The following SAMD14 variants were observed in gnomAD, a reference collection of about 807,000 sequenced individuals.
SAMD14 encodes the protein sterile alpha motif domain containing 14.
A neutral mutation model predicts 46.2 loss-of-function variants in SAMD14; 27 were observed. The observed-to-expected ratio is 0.58, with a 90% CI of 0.43 to 0.81. SAMD14 has a LOEUF of 0.81. Among genes scored for constraint, SAMD14 ranks in the 30% least tolerant of loss-of-function variants. The pLI is 0.00. For synonymous variants in SAMD14, 241 were observed against 254.3 expected (o/e 0.95, Z 0.50); for missense variants, 559 against 582.2 (o/e 0.96, Z 0.41).
intron 9 of SAMD14, chr17:50,113,296 C>T: frequency 2.0e-6 from 1 of 497,268 alleles, no homozygotes; most frequent in Non-Finnish European, 3.6e-6. Context: ...CCCCACCATT[C>T]CTCCACTCAG....
rs1911944144 is a variant in SAMD14 at position 50,129,661 on chromosome 17, C to G, written c.-157G>C. ...CCGGGCGGGCTCGAGCCGCTCCATCCCGGGGGTGGGGGTGAGGTCGGCGGG... is the reference window on the plus strand; with the variant it reads ...CCGGGCGGGCTCGAGCCGCTCCATCGCGGGGGTGGGGGTGAGGTCGGCGGG... On this transcript the variant is annotated 5_prime_UTR_variant, in exon 1 of 10. Coordinates refer to ENST00000330175, the MANE Select transcript of SAMD14 (RefSeq NM_001257359.2). The surrounding 1 kb of genome is among the most constrained non-coding windows in gnomAD (Gnocchi z 5.6). 1 of 150,782 alleles carries G rather than the reference C, an allele frequency of 6.6e-6. No individual in the cohort carries two copies. Among genetic ancestry groups the G allele is most frequent in the Non-Finnish European group, 1.5e-5 (1 of 67,562 alleles). The allele number at this position is 150,782 out of a possible 1,614,324, so 9.3% of individuals were successfully genotyped here.
Position 50,116,040 on chromosome 17 carries a change from G to T in SAMD14, c.550C>A (p.Leu184Ile), listed in dbSNP as rs754882941. The T allele has an allele frequency of 3.1e-6, 5 of 1,614,084 alleles. No individual in the cohort carries two copies. The highest frequency in any genetic ancestry group is 3.4e-6 in the Non-Finnish European group (4 of 1,179,970). The change falls in exon 5 of 10, where the codon CTC becomes ATC. Residue 184 changes from leucine to isoleucine, a missense_variant. Coordinates refer to ENST00000330175, the MANE Select transcript of SAMD14 (RefSeq NM_001257359.2). ...PPEPASPTIG[L>I]DKKTRRKFLD... is the part of the protein sequence containing the mutation. ...AACTTTCGGCGAGTCTTCTTATCGA[G>T]GCCGATGGTGGGGCTGGCGGGCTCA...
In SAMD14 at chr17:50,124,771, G is replaced by GCGCACACACACA. The variant is rs71353620; in HGVS notation, c.43+145_43+146insTGTGTGTGTGCG. ...TACCTGCACGCGTGCACGCGCGCGCGCACACACACACACACACACACACAC... is the reference window on the plus strand; with the variant it reads ...TACCTGCACGCGTGCACGCGCGCGCGCGCACACACACACACACACACACACACACACACACAC... On this transcript the variant is annotated intron_variant, in intron 2 of 9. Coordinates refer to ENST00000330175, the MANE Select transcript of SAMD14 (RefSeq NM_001257359.2). The GCGCACACACACA allele has an allele frequency of 2.1e-3, 1,194 of 569,524 alleles. 9 individuals carry two copies. In the Admixed American group the frequency reaches 0.024, roughly 11 times the overall value. 35.3% of individuals were successfully genotyped at this position (569,524 alleles called of 1,614,324 possible).
intron 9 of SAMD14, chr17:50,113,289 C>G (rs1431843595): frequency 1.2e-5 from 6 of 510,960 alleles, no homozygotes; most frequent in Non-Finnish European, 2.1e-5. Flanking sequence ...CCTCCTCCCC[C>G]ACCATTCCTC....
At position 50,110,596 on chromosome 17, in the gene SAMD14, G is replaced by A. The variant is rs896979551; in HGVS notation, c.*2297C>T. ...GTGGGGAAAGGAGTTACACCCGTGA[G>A]TGGGGAATGAGGCTGGTCCTGCAGC... On this transcript the variant is annotated 3_prime_UTR_variant, in exon 10 of 10. Coordinates refer to ENST00000330175, the MANE Select transcript of SAMD14 (RefSeq NM_001257359.2). The A allele has an allele frequency of 2.0e-5, 3 of 152,440 alleles. No individual in the cohort carries two copies. The highest frequency in any genetic ancestry group is 7.2e-5 in the African/African-American group (3 of 41,462). The allele number at this position is 152,440 out of a possible 1,614,324, so 9.4% of individuals were successfully genotyped here.
chr17:50,124,761 ACG>A (rs868338823), intron 2 of SAMD14, among the ~76,000 whole-genome samples, 154 bp downstream of exon 2: 2 of 108,094 alleles, frequency 1.9e-5, no homozygotes, highest in African/African-American at 8.2e-5. Flanking sequence ...GCACGCGTGC[ACG>A]CGCGCGCGCA....
intron 2 of SAMD14, among the ~76,000 whole-genome samples, chr17:50,120,323 G>C (rs904043596): frequency 4.6e-5 from 7 of 150,958 alleles, no homozygotes; most frequent in African/African-American, 1.7e-4. Context: ...GAGGAAGGGA[G>C]AGGAGAGGAG....
At chr17:50,121,939 G>A (rs1028976418) in intron 2 of SAMD14, among the ~76,000 whole-genome samples, 1 of 152,220 alleles carries the variant, frequency 6.6e-6, no homozygotes, top group Non-Finnish European at 1.5e-5. Context: ...TCCTTATAGG[G>A]TGGTTGTGAG....
At chr17:50,116,135 C>G (rs1486095873) in intron 4 of SAMD14, 45 bp from the exon 5 acceptor site, 5 of 1,577,292 alleles carry the variant, frequency 3.2e-6, no homozygotes, top group African/African-American at 1.4e-5. Context: ...TGCTGCCCTG[C>G]CTGCCTCCTT....
chr17:50,124,909 G>A lies in SAMD14; in HGVS notation c.43+8C>T. 6.2e-7 allele frequency: 1 copy of A among 1,613,650 alleles called. No individual in the cohort carries two copies. The highest frequency in any genetic ancestry group is 8.5e-7 in the Non-Finnish European group (1 of 1,179,794). On this transcript the variant is annotated splice_region_variant and intron_variant, in intron 2 of 9. Transcript: ENST00000330175. ...TATTGGCTAGAGATAGAGCCACACA[G>A]AACTTACCAAAAACTTCATCCACGG...
In SAMD14 at chr17:50,111,963, G is replaced by GT. The variant is rs1192202763; in HGVS notation, c.*929dup. ...TCTCGTAGCTGCCGGGGACCCCCAG[G>GT]TTTTGCCTCTCTGCCTGGCTGGGGT... On this transcript the variant is annotated 3_prime_UTR_variant, in exon 10 of 10. Transcript: ENST00000330175. 1 of 152,300 alleles carries GT rather than the reference G, an allele frequency of 6.6e-6. No homozygotes were observed. Among genetic ancestry groups the GT allele is most frequent in the Non-Finnish European group, 1.5e-5 (1 of 68,182 alleles). 9.4% of individuals were successfully genotyped at this position (152,300 alleles called of 1,614,324 possible). A position where few individuals can be genotyped will look rare whatever the true frequency, so the allele number is the denominator to read the frequency against.
intron 1 of SAMD14, among the ~76,000 whole-genome samples, chr17:50,126,951 T>C (rs1236487179): frequency 2.7e-5 from 4 of 150,798 alleles, no homozygotes; most frequent in Admixed American, 2.6e-4. Flanking sequence ...AACACAAAAA[T>C]TAGTTGGGTG....
At chr17:50,120,759 T>C (rs1395282098) in intron 2 of SAMD14, among the ~76,000 whole-genome samples, 5 of 152,200 alleles carry the variant, frequency 3.3e-5, no homozygotes, top group Non-Finnish European at 7.3e-5. Flanking sequence ...CTGCCCTTTT[T>C]CTGCAAGGCT....
At position 50,118,146 on chromosome 17, in the gene SAMD14, C is replaced by A; in HGVS notation, c.210+15G>T. ...GGTGGGAGGGTGTATATGTGTTTTC[C>A]TAACTTGCCCCAACCTTGCCTCCGG... On this transcript the variant is annotated intron_variant, in intron 3 of 9. Coordinates refer to ENST00000330175, the MANE Select transcript of SAMD14 (RefSeq NM_001257359.2). The A allele has an allele frequency of 6.4e-7, 1 of 1,572,268 alleles. No individual in the cohort carries two copies.
At position 50,113,058 on chromosome 17, in the gene SAMD14, A is replaced by T. The variant is rs1910950670; in HGVS notation, c.1099-10T>A. 3.1e-6 allele frequency: 5 copies of T among 1,610,442 alleles called. No homozygotes were observed. Among genetic ancestry groups the T allele is most frequent in the Middle Eastern group, 1.6e-4 (1 of 6,080 alleles). ...TGCTGAGCCCCAGGCTCTGGGGAGG[A>T]GTCCGGGGTGAGGGAGAGAGTCCCA... is the stretch of plus-strand genomic sequence containing the variant. On this transcript the variant is annotated splice_polypyrimidine_tract_variant and intron_variant, in intron 9 of 9. Transcript: ENST00000330175.
At position 50,111,225 on chromosome 17, in the gene SAMD14, C is replaced by T. The variant is rs1383218384; in HGVS notation, c.*1668G>A. On this transcript the variant is annotated 3_prime_UTR_variant, in exon 10 of 10. Transcript: ENST00000330175. ...CATCTGTTCAGAACGCCGGATGGCC[C>T]AGCACCTGGTGACAGACCTGTTGTC... 1.3e-5 allele frequency: 2 copies of T among 152,306 alleles called. No homozygotes were observed. The highest frequency in any genetic ancestry group is 2.9e-5 in the Non-Finnish European group (2 of 68,080). 9.4% of individuals were successfully genotyped at this position (152,306 alleles called of 1,614,324 possible). A position where few individuals can be genotyped will look rare whatever the true frequency, so the allele number is the denominator to read the frequency against.
At chr17:50,127,424 A>T (rs1911829743) in intron 1 of SAMD14, among the ~76,000 whole-genome samples, 1 of 152,054 alleles carries the variant, frequency 6.6e-6, no homozygotes, top group Admixed American at 6.5e-5. Context: ...CCAACATGGA[A>T]AAAACTGTCT....
intron 2 of SAMD14, among the ~76,000 whole-genome samples, chr17:50,118,584 C>T (rs918733341): frequency 1.3e-5 from 2 of 152,224 alleles, no homozygotes; most frequent in African/African-American, 4.8e-5. Context: ...GGAGGAACGG[C>T]AGCCCTGTTT....
rs923525634 is a variant in SAMD14 at position 50,112,546 on chromosome 17, C to T, written c.*347G>A. On this transcript the variant is annotated 3_prime_UTR_variant, in exon 10 of 10. Transcript: ENST00000330175. ...CAGGCCTCCTAGCTCCCCTCCACCC[C>T]AGCCCCACGATGGCCTGAGGGCAAT... 2 of 187,372 alleles carry T rather than the reference C, an allele frequency of 1.1e-5. No homozygotes were observed. The highest frequency in any genetic ancestry group is 2.2e-5 in the Non-Finnish European group (2 of 91,330). The allele number at this position is 187,372 out of a possible 1,614,324, so 11.6% of individuals were successfully genotyped here.
Sources: gnomAD v4.1 joint callset for allele counts (sites outside exome capture counted in the v4.1 genomes callset) on GRCh38, gnomAD v4.1.1 for gene constraint, Gnocchi (gnomAD v3.1) non-coding constraint, MANE v1.5 for transcripts, NCBI Gene and HGNC (gene_info 2026-07-23, HGNC 2026-07-21) for gene names.